The following RICTOR variants were observed in gnomAD, a reference collection of about 807,000 sequenced individuals.
The protein encoded by RICTOR is rapamycin-insensitive companion of mTOR.
In RICTOR, 49 loss-of-function variants were observed where a neutral mutation model predicts 214.9. The ratio of observed to expected loss-of-function variants is 0.23; its 90% CI spans 0.18 to 0.29. The LOEUF is 0.29. Ranked by LOEUF, RICTOR falls within the 10% of genes least tolerant of loss-of-function variation. The pLI is 1.00. For synonymous variants in RICTOR, 717 were observed against 711.3 expected (o/e 1.01, Z -0.13); for missense variants, 1,625 against 2,047.0 (o/e 0.79, Z 3.98).
chr5:38,991,829 C>T (rs2548802), intron 6 of RICTOR, among the ~76,000 whole-genome samples: 146,833 of 152,226 alleles, frequency 0.96, 70,882 homozygotes, highest in East Asian at 0.99. Flanking sequence ...TAGCTAATTA[C>T]TGTTTAATAA....
intron 6 of RICTOR, among the ~76,000 whole-genome samples, chr5:38,996,335 G>A (rs1238487712): frequency 6.6e-6 from 1 of 152,224 alleles, no homozygotes; most frequent in Non-Finnish European, 1.5e-5. Flanking sequence ...CTCTTGTGGA[G>A]TGTAGGCTGT....
rs370895115 is a variant in RICTOR, at chr5:38,938,537, A to C, written c.*3767T>G. The C allele has an allele frequency of 1.4e-4, 33 of 232,784 alleles. 1 individual carries two copies. Among genetic ancestry groups the C allele is most frequent in the East Asian group, 5.5e-4 (9 of 16,408 alleles). The allele number at this position is 232,784 out of a possible 1,614,324, so 14.4% of individuals were successfully genotyped here. A position where few individuals can be genotyped will look rare whatever the true frequency, so the allele number is the denominator to read the frequency against. On this transcript the variant is annotated 3_prime_UTR_variant, in exon 38 of 38. Coordinates refer to ENST00000357387, the MANE Select transcript of RICTOR (RefSeq NM_152756.5). ...ATAAAGAAAGTAAAACAAAATGTGCAATTTATGCATGCTGTGGTGCAGCTA... is the reference window on the plus strand; with the variant it reads ...ATAAAGAAAGTAAAACAAAATGTGCCATTTATGCATGCTGTGGTGCAGCTA...
At chr5:39,038,495 A>C (rs1756913906) in intron 2 of RICTOR, among the ~76,000 whole-genome samples, 1 of 152,186 alleles carries the variant, frequency 6.6e-6, no homozygotes, top group South Asian at 2.1e-4. Context: ...GAAAGAAATA[A>C]AGGGTATTCA....
At chr5:38,979,633 A>C (rs779191417) in intron 8 of RICTOR, among the ~76,000 whole-genome samples, 1 of 152,202 alleles carries the variant, frequency 6.6e-6, no homozygotes, top group African/African-American at 2.4e-5. Flanking sequence ...TCAAAGTCTC[A>C]TAAGATTTCA....
intron 7 of RICTOR, among the ~76,000 whole-genome samples, chr5:38,985,167 C>A (rs1239259): frequency 0.35 from 52,566 of 151,916 alleles, 9,176 homozygotes; most frequent in Middle Eastern, 0.37. Context: ...CACTCTGTAT[C>A]CACAGGGAAA....
In RICTOR at chr5:38,941,985, T is replaced by C. The variant is rs935994266; in HGVS notation, c.*319A>G. 3 of 259,292 alleles carry C rather than the reference T, an allele frequency of 1.2e-5. No individual in the cohort carries two copies. The highest frequency in any genetic ancestry group is 6.5e-5 in the African/African-American group (3 of 46,154). The allele number at this position is 259,292 out of a possible 1,614,324, so 16.1% of individuals were successfully genotyped here. A position where few individuals can be genotyped will look rare whatever the true frequency, so the allele number is the denominator to read the frequency against. ...ATATCCCATTATTGTTCCACTGTCATTATGCTTTTAAAATGAAAGAAAATA... is the reference window on the plus strand; with the variant it reads ...ATATCCCATTATTGTTCCACTGTCACTATGCTTTTAAAATGAAAGAAAATA... On this transcript the variant is annotated 3_prime_UTR_variant, in exon 38 of 38. Transcript: ENST00000357387.
At chr5:38,952,681 T>C (rs1350427212) in intron 29 of RICTOR, among the ~76,000 whole-genome samples, 1 of 151,726 alleles carries the variant, frequency 6.6e-6, no homozygotes, top group Admixed American at 6.6e-5. Context: ...GCAAAAAAGG[T>C]ATATTAGCTT....
At chr5:39,041,050 C>T (rs139020443) in intron 2 of RICTOR, among the ~76,000 whole-genome samples, 1 of 152,322 alleles carries the variant, frequency 6.6e-6, no homozygotes, top group East Asian at 1.9e-4. Flanking sequence ...TGTCTGTTTA[C>T]AGATGCATCC....
At chr5:38,983,842 G>A (rs539911654) in intron 7 of RICTOR, among the ~76,000 whole-genome samples, 9 of 152,072 alleles carry the variant, frequency 5.9e-5, no homozygotes, top group Non-Finnish European at 1.2e-4. Context: ...GTGCGTGCCT[G>A]TAGTCCCAGC....
rs186783289 is a variant in RICTOR at position 38,945,260 on chromosome 5, T to C, written c.4634-192A>G. ...AGCATGCAAAGGGCCTGGACAGGGC[T>C]GTTCACAGTGGAAAAGACCTAATCC... On this transcript the variant is annotated intron_variant, in intron 34 of 37. Coordinates refer to ENST00000357387, the MANE Select transcript of RICTOR (RefSeq NM_152756.5). The C allele has an allele frequency of 1.0e-3, 621 of 614,984 alleles. 13 individuals carry two copies. The East Asian group carries it at 0.016, about 15-fold the overall frequency. 38.1% of individuals were successfully genotyped at this position (614,984 alleles called of 1,614,324 possible).
intron 2 of RICTOR, among the ~76,000 whole-genome samples, chr5:39,038,217 ACC>A (rs1243618520): frequency 6.6e-6 from 1 of 152,194 alleles, no homozygotes; most frequent in Non-Finnish European, 1.5e-5. Context: ...AAAGACAAAA[ACC>A]ACATGATTAT....
intron 2 of RICTOR, among the ~76,000 whole-genome samples, chr5:39,021,767 A>C (rs1485749478): frequency 6.6e-6 from 1 of 152,124 alleles, no homozygotes; most frequent in Non-Finnish European, 1.5e-5. Context: ...GTATTTTATA[A>C]ATCTCCAGTC....
Position 38,949,720 on chromosome 5 carries a change from T to A in RICTOR, c.4128A>T (p.Thr1376=). The A allele has an allele frequency of 1.2e-6, 2 of 1,612,420 alleles. No individual in the cohort carries two copies. The highest frequency in any genetic ancestry group is 1.7e-6 in the Non-Finnish European group (2 of 1,178,926). ...MKANSFESRL[T]PSRFMKALSY... ...AACATATATTTGCTTACCTGCTTGGTGTTAATCTGGACTCAAAACTGTTGG... is the reference window on the plus strand; with the variant it reads ...AACATATATTTGCTTACCTGCTTGGAGTTAATCTGGACTCAAAACTGTTGG... The change falls in exon 31 of 38, where the codon ACA becomes ACT. Residue 1376 remains threonine, a synonymous_variant. Transcript: ENST00000357387.
At chr5:39,047,981 G>C (rs1757606356) in intron 2 of RICTOR, among the ~76,000 whole-genome samples, 1 of 152,196 alleles carries the variant, frequency 6.6e-6, no homozygotes, top group South Asian at 2.1e-4. Context: ...CCCAGAAATA[G>C]TTTGTCAACA....
At chr5:39,006,781 G>GGGAGA (rs1754104151) in intron 3 of RICTOR, among the ~76,000 whole-genome samples, 12 of 92,158 alleles carry the variant, frequency 1.3e-4, no homozygotes, top group Non-Finnish European at 1.3e-4. Flanking sequence ...AGGAGAGGAG[G>GGGAGA]GGAGGGGAGG....
At chr5:38,979,932 C>G (rs955673465) in intron 8 of RICTOR, among the ~76,000 whole-genome samples, 3 of 152,116 alleles carry the variant, frequency 2.0e-5, no homozygotes, top group African/African-American at 7.2e-5. Context: ...TCTTTTTTCT[C>G]TGTGCTTTAC....
At chr5:38,961,116 C>A (rs1054524222) in intron 19 of RICTOR, among the ~76,000 whole-genome samples, 3 of 150,486 alleles carry the variant, frequency 2.0e-5, no homozygotes, top group Admixed American at 1.3e-4. Context: ...CCAAAAAAAA[C>A]CCCAAAAACC....
chr5:38,952,861 A>T, intron 29 of RICTOR, 124 bp downstream of exon 29: 1 of 595,116 alleles, frequency 1.7e-6, no homozygotes, highest in Non-Finnish European at 3.0e-6. Flanking sequence ...ATAATCTTGT[A>T]TCATTAGAAC....
At chr5:39,046,417 G>C (rs945577022) in intron 2 of RICTOR, among the ~76,000 whole-genome samples, 1 of 138,690 alleles carries the variant, frequency 7.2e-6, no homozygotes, top group African/African-American at 2.7e-5. Context: ...TTTGCCCATT[G>C]TTTTCTATCT....
Sources: allele counts gnomAD v4.1 joint callset (sites outside exome capture counted in the v4.1 genomes callset), GRCh38; gene constraint gnomAD v4.1.1; transcripts MANE v1.5; gene names NCBI Gene and HGNC (gene_info 2026-07-23, HGNC 2026-07-21).